SPATA6: variants seen among roughly 807,000 people sequenced by gnomAD.
SPATA6 encodes spermatogenesis associated 6.
SPATA6 carries 56 observed loss-of-function variants against 65.3 expected under a neutral mutation model. The observed-to-expected ratio is 0.86, with a 90% CI of 0.69 to 1.07. The LOEUF is 1.07. SPATA6 is among the 50% of genes least tolerant of loss of function. The probability of loss-of-function intolerance (pLI) is 0.00; values close to 1 mark genes in which losing one functional copy is unlikely to be tolerated. For synonymous variants in SPATA6, 199 were observed against 213.2 expected (o/e 0.93, Z 0.58); for missense variants, 590 against 594.8 (o/e 0.99, Z 0.08).
intron 5 of SPATA6, among the ~76,000 whole-genome samples, chr1:48,405,782 C>T (rs1392502949): frequency 1.3e-5 from 2 of 152,084 alleles, no homozygotes; most frequent in African/African-American, 4.8e-5. Flanking sequence ...AGTTAGGCTA[C>T]CTTTTCAATG....
intron 11 of SPATA6, among the ~76,000 whole-genome samples, chr1:48,314,241 C>A (rs1645328393): frequency 6.6e-6 from 1 of 151,792 alleles, no homozygotes; most frequent in Admixed American, 6.6e-5. Context: ...AATATACATT[C>A]TTTTCAGCAC....
the SPATA6 span, among the ~76,000 whole-genome samples, chr1:48,279,241 A>C: frequency 6.6e-6 from 1 of 152,244 alleles, no homozygotes. Context: ...CAAATTGTAA[A>C]GACCATCGAG....
chr1:48,335,445 T>C (rs973515895), intron 11 of SPATA6, among the ~76,000 whole-genome samples: 1 of 151,382 alleles, frequency 6.6e-6, no homozygotes, highest in African/African-American at 2.4e-5. Flanking sequence ...AGTAGACACA[T>C]AGGCCAATAG....
At chr1:48,340,927 A>G (rs1462101634) in intron 11 of SPATA6, among the ~76,000 whole-genome samples, 1 of 152,214 alleles carries the variant, frequency 6.6e-6, no homozygotes, top group African/African-American at 2.4e-5. Flanking sequence ...GACATTTACA[A>G]TAACAAATAG....
chr1:48,414,026 C>G (rs573844662), intron 3 of SPATA6, among the ~76,000 whole-genome samples: 9 of 152,144 alleles, frequency 5.9e-5, no homozygotes, highest in Non-Finnish European at 1.3e-4. Flanking sequence ...TGGTACATAT[C>G]AAGCAATTCA....
intron 8 of SPATA6, among the ~76,000 whole-genome samples, chr1:48,386,063 C>T (rs1649431967): frequency 6.6e-6 from 1 of 152,090 alleles, no homozygotes; most frequent in South Asian, 2.1e-4. Context: ...CAAATTCTGC[C>T]ACTTATTAAA....
At chr1:48,428,941 T>A (rs1654145701) in intron 3 of SPATA6, among the ~76,000 whole-genome samples, 1 of 151,734 alleles carries the variant, frequency 6.6e-6, no homozygotes, top group South Asian at 2.1e-4. Flanking sequence ...TTGATGTAAC[T>A]ATTTTGGAAG....
chr1:48,325,119 C>T (rs1645717633), intron 11 of SPATA6: 1 of 492,744 alleles, frequency 2.0e-6, no homozygotes, highest in Non-Finnish European at 3.8e-6. Context: ...TCTGGCCAAG[C>T]CTCTTTTGCA....
chr1:48,334,884 C>A (rs1646018301), intron 11 of SPATA6, among the ~76,000 whole-genome samples: 1 of 152,016 alleles, frequency 6.6e-6, no homozygotes, highest in African/African-American at 2.4e-5. Flanking sequence ...TTTTAAAAAC[C>A]CCATGGTCTT....
intron 11 of SPATA6, among the ~76,000 whole-genome samples, chr1:48,333,538 C>G (rs369589149): frequency 1.3e-5 from 2 of 152,180 alleles, no homozygotes; most frequent in Admixed American, 6.5e-5. Context: ...CCTATTAGTT[C>G]TGTCCCTCTA....
At chr1:48,266,947 C>T in the SPATA6 span, among the ~76,000 whole-genome samples, 3 of 152,144 alleles carry the variant, frequency 2.0e-5, no homozygotes, top group South Asian at 6.2e-4. Context: ...TTCAACATGT[C>T]CTTGTTAAGT....
At chr1:48,338,553 T>C (rs540891134) in intron 11 of SPATA6, among the ~76,000 whole-genome samples, 4 of 152,104 alleles carry the variant, frequency 2.6e-5, no homozygotes, top group East Asian at 1.9e-4. Context: ...CTGGAGATAC[T>C]TGAAAATCTG....
rs1024919471 is a variant in SPATA6 at position 48,297,346 on chromosome 1, G to T, written c.*1367C>A. On this transcript the variant is annotated 3_prime_UTR_variant, in exon 13 of 13. Transcript: ENST00000371847. ...TCTGAGAATTAAATAGACTCAGCTAGAAAACGGCAGACATGGGATACTAAA... is the reference window on the plus strand; with the variant it reads ...TCTGAGAATTAAATAGACTCAGCTATAAAACGGCAGACATGGGATACTAAA... 6.6e-6 allele frequency: 1 copy of T among 152,084 alleles called. No homozygotes were observed. The highest frequency in any genetic ancestry group is 1.5e-5 in the Non-Finnish European group (1 of 67,982). 9.4% of individuals were successfully genotyped at this position (152,084 alleles called of 1,614,324 possible). A position where few individuals can be genotyped will look rare whatever the true frequency, so the allele number is the denominator to read the frequency against.
At chr1:48,347,457 G>A (rs1010245952) in intron 11 of SPATA6, among the ~76,000 whole-genome samples, 7 of 142,110 alleles carry the variant, frequency 4.9e-5, no homozygotes, top group Non-Finnish European at 1.1e-4. Flanking sequence ...TATATATAAT[G>A]TATATATAAT....
At chr1:48,416,240 C>T (rs1032948545) in intron 3 of SPATA6, among the ~76,000 whole-genome samples, 4 of 151,672 alleles carry the variant, frequency 2.6e-5, no homozygotes, top group African/African-American at 9.7e-5. Flanking sequence ...CTGAAAGAAG[C>T]CAAAGGGAAA....
the SPATA6 span, among the ~76,000 whole-genome samples, chr1:48,288,585 C>T: frequency 6.6e-6 from 1 of 152,198 alleles, no homozygotes; most frequent in Non-Finnish European, 1.5e-5. Flanking sequence ...TCAGAGAACT[C>T]CCTTTCCTAG....
intron 1 of SPATA6, among the ~76,000 whole-genome samples, chr1:48,453,929 C>A (rs777922556): frequency 4.7e-5 from 7 of 149,118 alleles, no homozygotes; most frequent in Non-Finnish European, 1.0e-4. Context: ...CATAATTAAC[C>A]AAAAGCTGCA....
chr1:48,322,666 T>G (rs1645632828), intron 11 of SPATA6, among the ~76,000 whole-genome samples: 1 of 152,100 alleles, frequency 6.6e-6, no homozygotes, highest in African/African-American at 2.4e-5. Flanking sequence ...TTGCAATCTA[T>G]CCATCTGACA....
chr1:48,281,579 T>C, the SPATA6 span, among the ~76,000 whole-genome samples: 1 of 151,860 alleles, frequency 6.6e-6, no homozygotes, highest in African/African-American at 2.4e-5. Flanking sequence ...GAACTCCCAT[T>C]CACAATTGCT....
Sources: allele counts gnomAD v4.1 joint callset (sites outside exome capture counted in the v4.1 genomes callset), GRCh38; gene constraint gnomAD v4.1.1; transcripts MANE v1.5; gene names NCBI Gene and HGNC (gene_info 2026-07-23, HGNC 2026-07-21).